Variants in TUT4 observed in about 807,000 individuals in gnomAD.
TUT4 encodes terminal uridylyltransferase 4.
A neutral mutation model predicts 192.2 loss-of-function variants in TUT4; 36 were observed. The ratio of observed to expected loss-of-function variants is 0.19; its 90% CI spans 0.14 to 0.25. TUT4 has a LOEUF of 0.25. Ranked by LOEUF, TUT4 falls within the 10% of genes least tolerant of loss-of-function variation. The pLI, the probability that TUT4 is intolerant of heterozygous loss-of-function variation, is 1.00. For missense variants in TUT4, 1,493 were observed against 1,957.2 expected, an observed-to-expected ratio of 0.76 and a Z score of 4.47; for synonymous variants, 618 against 666.0, an observed-to-expected ratio of 0.93 and a Z score of 1.11.
intron 25 of TUT4, chr1:52,437,533 G>C (rs922999658): frequency 1.3e-5 from 2 of 152,612 alleles, no homozygotes; most frequent in South Asian, 4.1e-4. Flanking sequence ...TCCATTAATT[G>C]TATTTTAATT....
intron 20 of TUT4, among the ~76,000 whole-genome samples, chr1:52,451,700 G>A (rs12407372): frequency 0.059 from 8,971 of 151,970 alleles, 300 homozygotes; most frequent in South Asian, 0.086. Context: ...AAAATGAGCC[G>A]GGTATGGTGG....
chr1:52,481,673 T>C, intron 10 of TUT4, 38 bp from the exon 11 acceptor site: 1 of 1,539,290 alleles, frequency 6.5e-7, no homozygotes, highest in Non-Finnish European at 8.7e-7. Context: ...AGTGGAAAAA[T>C]TATTTAAAAA....
At chr1:52,456,096 T>A (rs1184585755) in intron 20 of TUT4, among the ~76,000 whole-genome samples, 10 of 152,188 alleles carry the variant, frequency 6.6e-5, no homozygotes, top group Admixed American at 6.5e-4. Context: ...CAATGGAGTA[T>A]TACTGAGCAC....
intron 16 of TUT4, chr1:52,463,836 G>A (rs914669056): frequency 1.6e-5 from 21 of 1,285,306 alleles, no homozygotes; most frequent in Admixed American, 4.6e-5. Flanking sequence ...TTGCACTTGG[G>A]GAAGGTCTGC....
chr1:52,493,573 TAAA>T, intron 7 of TUT4, 35 bp downstream of exon 7: 1 of 1,043,308 alleles, frequency 9.6e-7, no homozygotes, highest in Non-Finnish European at 1.3e-6. Flanking sequence ...AAAGACAAAT[TAAA>T]AAAAAAAAAG....
At chr1:52,467,858 TC>T (rs1305629631) in intron 15 of TUT4, among the ~76,000 whole-genome samples, 1 of 152,206 alleles carries the variant, frequency 6.6e-6, no homozygotes, top group Non-Finnish European at 1.5e-5. Flanking sequence ...ACTTGCTCCT[TC>T]ATGTTATTCA....
chr1:52,469,533 T>C (rs977459791), intron 14 of TUT4, among the ~76,000 whole-genome samples: 17 of 152,104 alleles, frequency 1.1e-4, no homozygotes, highest in Middle Eastern at 3.2e-3. Context: ...AAACGAGCCA[T>C]GTGGTAATGA....
intron 24 of TUT4, among the ~76,000 whole-genome samples, chr1:52,440,579 A>G (rs1177949980): frequency 6.6e-6 from 1 of 151,978 alleles, no homozygotes; most frequent in Non-Finnish European, 1.5e-5. Context: ...TAAGACAGAA[A>G]CCTAAGAAGC....
rs1666732566 is a variant in TUT4, at chr1:52,475,007, T to G, written c.2552A>C (p.Asp851Ala). Residue 851 changes from aspartate to alanine, a missense_variant, in exon 13 of 30, where the codon GAC becomes GCC. Physicochemically the swap from Asp to Ala is moderately radical, Grantham distance 126. Transcript: ENST00000257177. ...CTCTGTTTCTAAATTTGACCTGCAG[T>G]CTGTTCCAGTAGATTTATCTGGGTC... ...SPDPDKSTGT[D>A]CRSNLETESS... The G allele has an allele frequency of 4.3e-6, 7 of 1,614,220 alleles. No homozygotes were observed. The East Asian group carries it at 1.6e-4, about 36-fold the overall frequency.
chr1:52,548,693 T>A (rs1408381432), intron 1 of TUT4, among the ~76,000 whole-genome samples: 1 of 152,250 alleles, frequency 6.6e-6, no homozygotes, highest in Non-Finnish European at 1.5e-5. Flanking sequence ...ATAAGTTATC[T>A]ATTATCATTG....
At chr1:52,493,575 A>T in intron 7 of TUT4, 36 bp downstream of exon 7, 1 of 1,306,862 alleles carries the variant, frequency 7.7e-7, no homozygotes, top group Non-Finnish European at 1.1e-6. Flanking sequence ...AGACAAATTA[A>T]AAAAAAAAAA....
At chr1:52,514,195 C>G (rs534180163) in intron 3 of TUT4, among the ~76,000 whole-genome samples, 1 of 152,294 alleles carries the variant, frequency 6.6e-6, no homozygotes, top group South Asian at 2.1e-4. Context: ...AATCACAGCA[C>G]TTTGGGAGGC....
In TUT4 at chr1:52,475,085, C is replaced by T. The variant is rs2148886738; in HGVS notation, c.2474G>A (p.Cys825Tyr). The change falls in exon 13 of 30, where the codon TGT (cysteine) becomes TAT (tyrosine). Residue 825 changes from cysteine (C) to tyrosine (Y), a missense_variant. Physicochemically the swap from Cys to Tyr is radical, Grantham distance 194. Around this residue, in one of 7 missense-constraint regions of TUT4, gnomAD observed 245 missense variants for 218.4 expected, o/e 1.12. Transcript: ENST00000257177. ...KQDDLAPSET[C>Y]LKKELSQCNC... ...ACATTGGCTGAGCTCTTTTTTTAAA[C>T]AAGTTTCTGAAGGCGCTAAATCATC... 1 of 1,614,030 alleles carries T rather than the reference C, an allele frequency of 6.2e-7. No homozygotes were observed. The highest frequency in any genetic ancestry group is 1.1e-5 in the South Asian group (1 of 91,074).
At chr1:52,466,043 G>C (rs939907299) in intron 15 of TUT4, among the ~76,000 whole-genome samples, 3 of 151,984 alleles carry the variant, frequency 2.0e-5, no homozygotes, top group Non-Finnish European at 4.4e-5. Context: ...ACTGGGCCTG[G>C]CTCTTCCTAT....
At chr1:52,547,441 T>C (rs1477382533) in intron 1 of TUT4, among the ~76,000 whole-genome samples, 1 of 151,698 alleles carries the variant, frequency 6.6e-6, no homozygotes, top group African/African-American at 2.4e-5. Flanking sequence ...GAATGTAAAA[T>C]GGTACAACTT....
intron 2 of TUT4, among the ~76,000 whole-genome samples, chr1:52,520,187 G>A (rs1199228514): frequency 1.3e-5 from 2 of 152,178 alleles, no homozygotes; most frequent in Non-Finnish European, 2.9e-5. Flanking sequence ...GAAAGGGTGA[G>A]AAGTAAACAA....
At chr1:52,475,590 C>T in intron 12 of TUT4, 55 bp from the exon 13 acceptor site, 1 of 1,425,032 alleles carries the variant, frequency 7.0e-7, no homozygotes. Flanking sequence ...ACTACATTTC[C>T]AAGCTCATAC....
intron 4 of TUT4, among the ~76,000 whole-genome samples, chr1:52,509,208 TA>T (rs1676443586): frequency 6.6e-6 from 1 of 152,080 alleles, no homozygotes; most frequent in Non-Finnish European, 1.5e-5. Context: ...CTTCCCCCCC[TA>T]ACAAGACTCA....
At chr1:52,471,333 T>G (rs1157186101) in intron 14 of TUT4, among the ~76,000 whole-genome samples, 1 of 152,186 alleles carries the variant, frequency 6.6e-6, no homozygotes. Context: ...CTTTTATGCA[T>G]AATCTTTGAC....
Sources: gnomAD v4.1 joint callset for allele counts (sites outside exome capture counted in the v4.1 genomes callset) on GRCh38, gnomAD v4.1.1 for gene constraint, gnomAD v4.1.1 regional missense constraint, MANE v1.5 for transcripts, NCBI Gene and HGNC (gene_info 2026-07-23, HGNC 2026-07-21) for gene names.